MDGA1: variants seen among roughly 807,000 people sequenced by gnomAD.
The protein encoded by MDGA1 is MAM domain containing glycosylphosphatidylinositol anchor 1.
A neutral mutation model predicts 101.5 loss-of-function variants in MDGA1; 54 were observed. The observed-to-expected ratio is 0.53, with a 90% confidence interval of 0.43 to 0.67. MDGA1 has a LOEUF of 0.67. Among genes scored for constraint, MDGA1 ranks in the 30% least tolerant of loss-of-function variants. MDGA1 has a pLI of 0.00. For synonymous variants in MDGA1, 533 were observed against 558.3 expected, an observed-to-expected ratio of 0.95 and a Z score of 0.64; for missense variants, 1,083 against 1,323.8, an observed-to-expected ratio of 0.82 and a Z score of 2.82.
chr6:37,637,322 T>G lies in MDGA1; in HGVS notation c.*46A>C. ...CAGTCTTTGGTACAATGTGGACACT[T>G]TGGTGTGCCGGGGGCAAGGTTGGGG... On this transcript the variant is annotated 3_prime_UTR_variant, in exon 17 of 17. Transcript: ENST00000434837. 4.2e-6 allele frequency: 6 copies of G among 1,444,234 alleles called. No individual in the cohort carries two copies. Among genetic ancestry groups the G allele is most frequent in the South Asian group, 1.2e-5 (1 of 86,496 alleles). 89.5% of individuals were successfully genotyped at this position (1,444,234 alleles called of 1,614,324 possible).
At chr6:37,665,175 C>T (rs1158589047) in intron 1 of MDGA1, among the ~76,000 whole-genome samples, 5 of 152,098 alleles carry the variant, frequency 3.3e-5, no homozygotes, top group African/African-American at 9.7e-5. Context: ...ATTGTCTAGC[C>T]CCATCGTCCT....
At position 37,647,915 on chromosome 6, in the gene MDGA1, T is replaced by C. The variant is rs571470559; in HGVS notation, c.1895-591A>G. 2.0e-5 allele frequency among the ~76,000 whole-genome samples: 3 copies of C among 152,200 alleles called. No individual in the cohort carries two copies. The East Asian group carries it at 5.8e-4, about 29-fold the overall frequency. The stretch of plus-strand genomic sequence containing the variant: ...TTCAAACAGAAGCTGAAGGGCCACT[T>C]AGTCAGTTGGGTGCTGCTGGGAAAG... On this transcript the variant is annotated intron_variant, in intron 9 of 16. Coordinates refer to ENST00000434837, the MANE Select transcript of MDGA1 (RefSeq NM_153487.4).
chr6:37,686,148 T>TA (rs1189581394), intron 1 of MDGA1, among the ~76,000 whole-genome samples: 4 of 152,154 alleles, frequency 2.6e-5, no homozygotes, highest in Admixed American at 2.6e-4. Context: ...CAGTAAGATG[T>TA]AAGCAGAAGT....
chr6:37,662,926 G>A (rs774571454), intron 2 of MDGA1, among the ~76,000 whole-genome samples: 2 of 152,138 alleles, frequency 1.3e-5, no homozygotes, highest in Non-Finnish European at 2.9e-5. Flanking sequence ...ACCTGACACA[G>A]ACATCGACCT....
chr6:37,645,973 G>A lies in MDGA1; in HGVS notation c.2225-17C>T, dbSNP rs1761184081. 2 of 1,614,000 alleles carry A rather than the reference G, an allele frequency of 1.2e-6. No individual in the cohort carries two copies. Among genetic ancestry groups the A allele is most frequent in the Non-Finnish European group, 1.7e-6 (2 of 1,179,890 alleles). The stretch of plus-strand genomic sequence containing the variant: ...AGTTGATGGCTGAGAAAGCAAGCGG[G>A]GAAACCAAGTCAGAACTGAGGTGTG... On this transcript the variant is annotated splice_polypyrimidine_tract_variant and intron_variant, in intron 11 of 16. Transcript: ENST00000434837.
intron 1 of MDGA1, among the ~76,000 whole-genome samples, chr6:37,694,654 G>A (rs1387513285): frequency 8.3e-6 from 1 of 120,090 alleles, no homozygotes; most frequent in Admixed American, 8.2e-5. Flanking sequence ...GGAACTCAGC[G>A]ACCTCCTGTC....
chr6:37,664,206 G>T, intron 1 of MDGA1, 100 bp from the exon 2 acceptor site: 1 of 1,466,266 alleles, frequency 6.8e-7, no homozygotes. Flanking sequence ...GGTCAGCCCA[G>T]ATCTCCCCAG....
intron 1 of MDGA1, among the ~76,000 whole-genome samples, chr6:37,674,267 T>C (rs933326406): frequency 6.6e-6 from 1 of 152,224 alleles, no homozygotes. Flanking sequence ...ACAAGGGCGC[T>C]GTCACTGAAT....
chr6:37,685,338 A>G (rs922991567), intron 1 of MDGA1, among the ~76,000 whole-genome samples: 1 of 152,116 alleles, frequency 6.6e-6, no homozygotes, highest in Non-Finnish European at 1.5e-5. Flanking sequence ...CTCAGGGCCG[A>G]GGAGTTACTC....
intron 1 of MDGA1, among the ~76,000 whole-genome samples, chr6:37,689,733 G>T (rs908548433): frequency 6.6e-6 from 1 of 152,134 alleles, no homozygotes. Flanking sequence ...ATCACTGTGT[G>T]CCAAGTCTCC....
chr6:37,644,515 T>C lies in MDGA1; in HGVS notation c.2383A>G (p.Ile795Val). The C allele has an allele frequency of 1.9e-6, 3 of 1,588,300 alleles. No homozygotes were observed. Among genetic ancestry groups the C allele is most frequent in the Non-Finnish European group, 2.6e-6 (3 of 1,167,462 alleles). Residue 795 changes from isoleucine (I) to valine (V), a missense_variant, in exon 13 of 17, where the codon ATA becomes GTA. By Grantham distance (29) the Ile-to-Val change is conservative. Coordinates refer to ENST00000434837, the MANE Select transcript of MDGA1 (RefSeq NM_153487.4). Reference protein sequence around the residue: ...RSPNTGPPTDISGTPEGYYMF... With the variant: ...RSPNTGPPTDVSGTPEGYYMF... ...TCCTCACCCTCAGGGGTGCCACTTA[T>C]GTCGGTGGGGGGACCAGTGTTGGGG...
At chr6:37,668,004 A>G (rs934589715) in intron 1 of MDGA1, among the ~76,000 whole-genome samples, 1 of 152,118 alleles carries the variant, frequency 6.6e-6, no homozygotes, top group African/African-American at 2.4e-5. Context: ...CAATCCCAGC[A>G]CTTTGGGAGG....
In MDGA1 at chr6:37,648,845, G is replaced by A. The variant is rs1450112860; in HGVS notation, c.1894+137C>T. The A allele has an allele frequency of 3.6e-6, 5 of 1,394,272 alleles. No individual in the cohort carries two copies. In the East Asian group the frequency reaches 1.2e-4, roughly 33 times the overall value. The allele number at this position is 1,394,272 out of a possible 1,614,324, so 86.4% of individuals were successfully genotyped here. On this transcript the variant is annotated intron_variant, in intron 9 of 16. Coordinates refer to ENST00000434837, the MANE Select transcript of MDGA1 (RefSeq NM_153487.4). ...GGCGTGGGCGGGTCTTGGAAAGGCC[G>A]GGGCTAAGCCTGGAGTAGGTGGGCT...
intron 1 of MDGA1, among the ~76,000 whole-genome samples, chr6:37,678,593 C>T (rs1393385435): frequency 6.6e-6 from 1 of 152,104 alleles, no homozygotes; most frequent in Non-Finnish European, 1.5e-5. Flanking sequence ...ATTCTACTGC[C>T]CTCCCCACTC....
At chr6:37,641,883 T>G (rs1764091228) in intron 14 of MDGA1, 1 of 152,180 alleles carries the variant, frequency 6.6e-6, no homozygotes, top group East Asian at 1.9e-4. Flanking sequence ...GGAGCCCCAG[T>G]GGATGCAGAA....
Position 37,654,531 on chromosome 6 carries a change from A to C in MDGA1, c.725T>G (p.Leu242Arg). Residue 242 changes from leucine (L) to arginine (R), a missense_variant, in exon 6 of 17, where the codon CTG becomes CGG. This residue lies in a region of MDGA1 where 310 missense variants were observed against 355.9 expected (regional missense o/e 0.87). Transcript: ENST00000434837. ...CAGAGTTTCGTTCACAGACAGCTTC[A>C]GGGCTGGTGGTGCTAAGAGGACAAG... Reference protein sequence around the residue: ...RLTNTTAPPALKLSVNETLVV... With the variant: ...RLTNTTAPPARKLSVNETLVV... The C allele has an allele frequency of 1.2e-6, 2 of 1,613,966 alleles. No individual in the cohort carries two copies. The highest frequency in any genetic ancestry group is 1.7e-6 in the Non-Finnish European group (2 of 1,179,882).
At position 37,695,854 on chromosome 6, in the gene MDGA1, T is replaced by C. The variant is rs1200597695; in HGVS notation, c.67+891A>G. On this transcript the variant is annotated intron_variant, in intron 1 of 16. Coordinates refer to ENST00000434837, the MANE Select transcript of MDGA1 (RefSeq NM_153487.4). ...GGCCCCTGAGAATGATTTTTTGTGC[T>C]GTGGGGTTAAGGCACTGCGGGAGGC... 2.6e-5 allele frequency among the ~76,000 whole-genome samples: 4 copies of C among 152,340 alleles called. No homozygotes were observed. The South Asian group carries it at 6.2e-4, about 24-fold the overall frequency.
At chr6:37,664,887 A>ACACG (rs1761711899) in intron 1 of MDGA1, among the ~76,000 whole-genome samples, 1 of 141,082 alleles carries the variant, frequency 7.1e-6, no homozygotes, top group African/African-American at 2.5e-5. Flanking sequence ...ACACACACAC[A>ACACG]CACACACACA....
At chr6:37,667,180 C>T (rs892570102) in intron 1 of MDGA1, among the ~76,000 whole-genome samples, 7 of 152,196 alleles carry the variant, frequency 4.6e-5, no homozygotes, top group Admixed American at 3.3e-4. Context: ...GGGAGTGACA[C>T]AGGCTATGTT....
Sources: allele counts gnomAD v4.1 joint callset (sites outside exome capture counted in the v4.1 genomes callset), GRCh38; gene constraint gnomAD v4.1.1; regional missense constraint gnomAD v4.1.1; transcripts MANE v1.5; gene names NCBI Gene and HGNC (gene_info 2026-07-23, HGNC 2026-07-21).